TUBB8: variants seen among roughly 807,000 people sequenced by gnomAD.
TUBB8 encodes the protein tubulin beta 8 class VIII, also known as tubulin beta-8 chain.
Under a neutral mutation model 33.7 loss-of-function variants are expected in TUBB8, and 25 were observed. The observed-to-expected ratio is 0.74, with a 90% CI of 0.54 to 1.04. The LOEUF (loss-of-function observed/expected upper bound fraction) is 1.04. TUBB8 is among the 50% of genes least tolerant of loss of function. TUBB8 has a pLI of 0.00. For synonymous variants in TUBB8, 245 were observed against 240.1 expected (o/e 1.02, Z -0.19); for missense variants, 279 against 608.0 (o/e 0.46, Z 5.69).
At chr10:64,120 A>C (rs2130946177) in intron 1 of TUBB8, among the ~76,000 whole-genome samples, 1 of 152,140 alleles carries the variant, frequency 6.6e-6, no homozygotes, top group Middle Eastern at 3.4e-3. Flanking sequence ...TTCTCTGCTG[A>C]GGCATGTGGA....
intron 1 of TUBB8, among the ~76,000 whole-genome samples, chr10:56,000 T>G (rs575861453): frequency 7.4e-4 from 112 of 152,368 alleles, no homozygotes; most frequent in African/African-American, 2.6e-3. Flanking sequence ...ATTTCAGATT[T>G]TTTTTCTATT....
intron 1 of TUBB8, among the ~76,000 whole-genome samples, chr10:70,031 T>A (rs1333519885): frequency 6.6e-6 from 1 of 152,138 alleles, no homozygotes; most frequent in Non-Finnish European, 1.5e-5. Context: ...AAATAAAAGC[T>A]TTGTCTGGGA....
chr10:52,095 G>T (rs1554739645), upstream of TUBB8, among the ~76,000 whole-genome samples: 1 of 152,134 alleles, frequency 6.6e-6, no homozygotes, highest in African/African-American at 2.4e-5. Context: ...TGTTCCCCAG[G>T]GCCTCTAACC....
At chr10:66,551 A>C (rs1485541428) in intron 1 of TUBB8, among the ~76,000 whole-genome samples, 1 of 152,272 alleles carries the variant, frequency 6.6e-6, no homozygotes, top group Admixed American at 6.5e-5. Context: ...CGGGTGACAG[A>C]GGAGGGAAGA....
upstream of TUBB8, among the ~76,000 whole-genome samples, chr10:53,517 G>A (rs1177666521): frequency 7.9e-5 from 12 of 152,190 alleles, no homozygotes; most frequent in Non-Finnish European, 1.5e-5. Context: ...GTAGAAGACT[G>A]AGGACAAACT....
At chr10:48,147 C>A in intron 3 of TUBB8, 33 bp from the exon 4 acceptor site, 2 of 1,315,956 alleles carry the variant, frequency 1.5e-6, no homozygotes, top group Non-Finnish European at 2.2e-6. Context: ...ACTCGACGGC[C>A]AGGTATACGG....
intron 1 of TUBB8, among the ~76,000 whole-genome samples, chr10:55,580 G>T (rs1467012434): frequency 6.6e-6 from 1 of 152,208 alleles, no homozygotes; most frequent in Non-Finnish European, 1.5e-5. Flanking sequence ...GCCCTAAAGG[G>T]TTTCCCCAGT....
chr10:55,128 A>G (rs1468112280), intron 1 of TUBB8, among the ~76,000 whole-genome samples: 2 of 152,216 alleles, frequency 1.3e-5, no homozygotes, highest in African/African-American at 4.8e-5. Context: ...GCCTCAGGAA[A>G]CTTACAGTCA....
chr10:74,889 T>TGGG (rs1834790299), upstream of TUBB8, among the ~76,000 whole-genome samples: 1 of 57,314 alleles, frequency 1.7e-5, no homozygotes, highest in African/African-American at 7.6e-5. Context: ...TTTTTTTTTT[T>TGGG]TTGAGACGGA....
intron 1 of TUBB8, among the ~76,000 whole-genome samples, chr10:66,195 G>A (rs1375875678): frequency 6.6e-6 from 1 of 152,216 alleles, no homozygotes; most frequent in African/African-American, 2.4e-5. Context: ...CAGTACAAAT[G>A]GCTACTCACA....
exon 1 of TUBB8, chr10:74,071 G>A (rs1554742751): frequency 6.6e-6 from 1 of 151,830 alleles, no homozygotes; most frequent in East Asian, 1.9e-4. Context: ...GGGTGCTGAG[G>A]AGAGGAAGCT....
At chr10:59,206 T>C (rs1163590325) in intron 1 of TUBB8, among the ~76,000 whole-genome samples, 3 of 152,230 alleles carry the variant, frequency 2.0e-5, no homozygotes, top group Non-Finnish European at 2.9e-5. Context: ...TTCTTTTTTT[T>C]GAGATGAAGT....
chr10:56,319 T>C (rs1834530727), intron 1 of TUBB8, among the ~76,000 whole-genome samples: 1 of 152,226 alleles, frequency 6.6e-6, no homozygotes, highest in Non-Finnish European at 1.5e-5. Context: ...TTGTACATGT[T>C]GATTTTGTAT....
Position 48,832 on chromosome 10 carries a change from G to A in TUBB8, c.138C>T (p.Arg46=), listed in dbSNP as rs781940421. ...YHGDSHLQLE[R]INVYYNEASG... ...TGGCCTCGTTGTAGTACACGTTGATGCGCTCCAGCTGCAGGTGGCTGTCCC... is the reference window on the plus strand; with the variant it reads ...TGGCCTCGTTGTAGTACACGTTGATACGCTCCAGCTGCAGGTGGCTGTCCC... The change falls in exon 2 of 4, where the codon CGC becomes CGT. Residue 46 remains arginine (R), a synonymous_variant. Coordinates refer to ENST00000568584, the MANE Select transcript of TUBB8 (RefSeq NM_177987.3). 5 of 1,606,570 alleles carry A rather than the reference G, an allele frequency of 3.1e-6. No homozygotes were observed. The highest frequency in any genetic ancestry group is 2.7e-5 in the African/African-American group (2 of 74,788).
At position 48,928 on chromosome 10, in the gene TUBB8, G is replaced by A. The variant is rs112134897; in HGVS notation, c.58-16C>T. 4.7e-3 allele frequency: 6,940 copies of A among 1,462,346 alleles called. 262 individuals are homozygous for A. The African/African-American group carries it at 0.079, about 17-fold the overall frequency. 90.6% of individuals were successfully genotyped at this position (1,462,346 alleles called of 1,614,324 possible). On this transcript the variant is annotated splice_polypyrimidine_tract_variant and intron_variant, in intron 1 of 3. Transcript: ENST00000568584. ...CCTCCCAGAACTGCAAGAGACGGGA[G>A]GAGACAGACAGGCCGGGGCTGAGTC...
In TUBB8 at chr10:73,672, C is replaced by T. The variant is rs1233098977; in HGVS notation, c.-846+297G>A. Among the ~76,000 whole-genome samples, 4 of 151,762 alleles carry T rather than the reference C, an allele frequency of 2.6e-5. 1 individual carries two copies. The highest frequency in any genetic ancestry group is 2.6e-4 in the Admixed American group (4 of 15,220). ...AACAAAACAAAACACAAAATGAGCG[C>T]TGATCCGGGGGCGCCCGTTTCCTCG... On this transcript the variant is annotated intron_variant, in intron 1 of 3. Coordinates refer to the TUBB8 transcript ENST00000564130.
At chr10:64,889 C>T (rs1405890478) in intron 1 of TUBB8, among the ~76,000 whole-genome samples, 2 of 150,824 alleles carry the variant, frequency 1.3e-5, no homozygotes, top group Non-Finnish European at 2.9e-5. Context: ...ATAATCACAG[C>T]ACTTTGGGAG....
intron 1 of TUBB8, among the ~76,000 whole-genome samples, chr10:64,432 C>T (rs2130946566): frequency 6.6e-6 from 1 of 152,104 alleles, no homozygotes; most frequent in East Asian, 1.9e-4. Context: ...AACCCTAACC[C>T]TTAACCCCTA....
rs1427776204 is a variant in TUBB8 at position 49,247 on chromosome 10, C to T, written c.-9G>A. The stretch of plus-strand genomic sequence containing the variant: ...AGCACGATCTCCCTCATGGCCAAGG[C>T]GGGATTAGGACGGCAGGAGAAACGT... On this transcript the variant is annotated 5_prime_UTR_variant, in exon 1 of 4. Transcript: ENST00000568584. 18 of 1,581,586 alleles carry T rather than the reference C, an allele frequency of 1.1e-5. No homozygotes were observed. The Admixed American group carries it at 2.0e-4, about 17-fold the overall frequency.
Sources: gnomAD v4.1 joint callset for allele counts (sites outside exome capture counted in the v4.1 genomes callset) on GRCh38, gnomAD v4.1.1 for gene constraint, MANE v1.5 for transcripts, NCBI Gene and HGNC (gene_info 2026-07-23, HGNC 2026-07-21) for gene names.